CHRDL1: variants seen among roughly 807,000 people sequenced by gnomAD.
CHRDL1 encodes chordin like 1.
Under a neutral mutation model 40.9 loss-of-function variants are expected in CHRDL1, and 19 were observed. The observed-to-expected ratio is 0.46, with a 90% CI of 0.32 to 0.68. CHRDL1 has a LOEUF of 0.68. Among genes scored for constraint, CHRDL1 ranks in the 30% least tolerant of loss-of-function variants. The pLI, the probability that CHRDL1 is intolerant of heterozygous loss-of-function variation, is 0.03. For missense variants in CHRDL1, 329 were observed against 352.1 expected, an observed-to-expected ratio of 0.93 and a Z score of 0.53; for synonymous variants, 136 against 123.4, an observed-to-expected ratio of 1.10 and a Z score of -0.68.
At chrX:110,699,779 G>A (rs2070473834) in intron 7 of CHRDL1, among the ~76,000 whole-genome samples, 1 of 112,300 alleles carries the variant, frequency 8.9e-6, no homozygotes, top group African/African-American at 3.2e-5. Context: ...TTTAACAACT[G>A]CACAGTGTCC....
intron 2 of CHRDL1, among the ~76,000 whole-genome samples, chrX:110,764,421 C>A (rs181551006): frequency 8.9e-6 from 1 of 112,036 alleles, no homozygotes; most frequent in African/African-American, 3.2e-5. Flanking sequence ...TTAACCAGTT[C>A]CCAAACAATA....
rs748779409 is a variant in CHRDL1 at position 110,676,298 on chromosome X, C to A, written c.1310G>T (p.Cys437Phe). Residue 437 changes from cysteine (C) to phenylalanine (F), a missense_variant, in exon 12 of 12, where the codon TGC becomes TTC. Cys to Phe is a radical substitution (Grantham distance 205, BLOSUM62 -2). Coordinates refer to ENST00000372042, the MANE Select transcript of CHRDL1 (RefSeq NM_001143981.2). ...QISQMCSSRV[C>F]RTELEDLVKV... ...GACTAAATCTTCAAGCTCTGTTCTG[C>A]ATACACGACTTGAACACATCTGGCT... is the stretch of plus-strand genomic sequence containing the variant. 8.3e-7 allele frequency: 1 copy of A among 1,205,337 alleles called. No homozygotes were observed. Among genetic ancestry groups the A allele is most frequent in the African/African-American group, 1.7e-5 (1 of 57,146 alleles).
intron 6 of CHRDL1, among the ~76,000 whole-genome samples, chrX:110,714,025 G>A (rs949561982): frequency 1.8e-5 from 2 of 109,336 alleles, no homozygotes; most frequent in African/African-American, 3.3e-5. Flanking sequence ...TGTGGCAGTA[G>A]TATAATCTCT....
At chrX:110,752,467 G>A (rs2089376140) in intron 4 of CHRDL1, among the ~76,000 whole-genome samples, 1 of 111,699 alleles carries the variant, frequency 9.0e-6, no homozygotes, top group Non-Finnish European at 1.9e-5. Flanking sequence ...CATGGAAGAT[G>A]GTTAAAGGGG....
intron 11 of CHRDL1, 41 bp from the exon 12 acceptor site, chrX:110,676,402 G>A: frequency 8.5e-7 from 1 of 1,178,397 alleles, no homozygotes. Context: ...GAGTGTGTAA[G>A]AGGAAAGCAG....
At chrX:110,727,161 A>G (rs1438691009) in intron 4 of CHRDL1, among the ~76,000 whole-genome samples, 1 of 112,130 alleles carries the variant, frequency 8.9e-6, no homozygotes, top group African/African-American at 3.2e-5. Context: ...TATCAACTGC[A>G]TCAATAAGGA....
chrX:110,698,308 A>C (rs1014176009), intron 7 of CHRDL1, among the ~76,000 whole-genome samples: 1 of 111,252 alleles, frequency 9.0e-6, no homozygotes, highest in South Asian at 3.8e-4. Context: ...CCTGTGCATT[A>C]AAATTAATGA....
intron 7 of CHRDL1, among the ~76,000 whole-genome samples, chrX:110,695,556 A>T (rs1262844772): frequency 1.8e-5 from 2 of 112,474 alleles, no homozygotes; most frequent in Non-Finnish European, 3.8e-5. Flanking sequence ...AAGTAAGATT[A>T]ATTGTATTTT....
chrX:110,693,208 C>T (rs2070315146), intron 8 of CHRDL1, among the ~76,000 whole-genome samples: 1 of 111,096 alleles, frequency 9.0e-6, no homozygotes, highest in African/African-American at 3.3e-5. Flanking sequence ...TGTAAGAAGA[C>T]ATTGGAAGCT....
intron 6 of CHRDL1, among the ~76,000 whole-genome samples, chrX:110,712,295 C>A (rs1042533365): frequency 9.0e-6 from 1 of 110,982 alleles, no homozygotes; most frequent in East Asian, 2.8e-4. Flanking sequence ...GAGTAGGATG[C>A]GAATAGGTAG....
At chrX:110,778,903 A>T (rs1222813030) in intron 2 of CHRDL1, among the ~76,000 whole-genome samples, 1 of 112,161 alleles carries the variant, frequency 8.9e-6, no homozygotes, top group Non-Finnish European at 1.9e-5. Flanking sequence ...TACACCATGG[A>T]ATACTATGCG....
chrX:110,756,326 A>C (rs781424465), intron 4 of CHRDL1, among the ~76,000 whole-genome samples: 2 of 112,237 alleles, frequency 1.8e-5, no homozygotes, highest in South Asian at 7.5e-4. Flanking sequence ...CTGGGACTGA[A>C]TATGGATAGT....
intron 8 of CHRDL1, among the ~76,000 whole-genome samples, chrX:110,689,582 ATATATC>A (rs1187928687): frequency 2.9e-4 from 2 of 6,982 alleles, no homozygotes; most frequent in African/African-American, 1.0e-3. Context: ...CTATATATCT[ATATATC>A]TATATATCTA....
chrX:110,789,158 T>C (rs1406880081), intron 2 of CHRDL1, among the ~76,000 whole-genome samples: 5 of 111,888 alleles, frequency 4.5e-5, no homozygotes, highest in Non-Finnish European at 9.4e-5. Flanking sequence ...AAACTAAAAA[T>C]AGACAATTCA....
intron 4 of CHRDL1, among the ~76,000 whole-genome samples, chrX:110,740,435 T>G (rs1002067237): frequency 8.9e-6 from 1 of 112,407 alleles, no homozygotes; most frequent in East Asian, 2.8e-4. Context: ...GTGTGTTATA[T>G]TCCCTTCCCA....
chrX:110,729,344 C>T (rs1254687953), intron 4 of CHRDL1, among the ~76,000 whole-genome samples: 1 of 109,043 alleles, frequency 9.2e-6, no homozygotes. Flanking sequence ...CAACTGCCAT[C>T]ACTTCTTTTT....
intron 9 of CHRDL1, among the ~76,000 whole-genome samples, chrX:110,684,028 C>T (rs779576394): frequency 2.7e-5 from 3 of 111,500 alleles, no homozygotes; most frequent in Admixed American, 9.5e-5. Context: ...ATCTTTTCTT[C>T]GGCCTCTTAA....
chrX:110,759,085 T>C (rs912636795), intron 4 of CHRDL1, among the ~76,000 whole-genome samples: 1 of 111,911 alleles, frequency 8.9e-6, no homozygotes, highest in African/African-American at 3.2e-5. Flanking sequence ...ATCGTGAAAG[T>C]AGATGTCCTA....
intron 1 of CHRDL1, among the ~76,000 whole-genome samples, chrX:110,794,311 T>A (rs1267599383): frequency 1.8e-5 from 2 of 112,165 alleles, no homozygotes; most frequent in Non-Finnish European, 3.8e-5. Context: ...TGGAGTTATT[T>A]CTGCATTAAC....
Sources: gnomAD v4.1 joint callset for allele counts (sites outside exome capture counted in the v4.1 genomes callset) on GRCh38, gnomAD v4.1.1 for gene constraint, MANE v1.5 for transcripts, NCBI Gene and HGNC (gene_info 2026-07-23, HGNC 2026-07-21) for gene names.